The following CMIP variants were observed in gnomAD, a reference collection of about 807,000 sequenced individuals.
CMIP encodes the protein C-Maf-inducing protein.
Under a neutral mutation model 97.3 loss-of-function variants are expected in CMIP, and 13 were observed. That is an observed-to-expected ratio of 0.13 (90% CI 0.09 to 0.21). CMIP has a LOEUF of 0.21. CMIP is among the 10% of genes least tolerant of loss of function. The probability of loss-of-function intolerance (pLI) is 1.00; values close to 1 mark genes in which losing one functional copy is unlikely to be tolerated. For missense variants in CMIP, 847 were observed against 1,024.9 expected, an observed-to-expected ratio of 0.83 and a Z score of 2.37; for synonymous variants, 538 against 436.3, an observed-to-expected ratio of 1.23 and a Z score of -2.91.
rs961803029 is a variant in CMIP at position 81,621,418 on chromosome 16, G to A, written c.477+492G>A. Reference sequence around the variant, plus strand: ...CTGGCTCTACATAGGATGGTTCAGAGCTTTCTGGCACATAAAGGGAACTTC... The same window carrying A: ...CTGGCTCTACATAGGATGGTTCAGAACTTTCTGGCACATAAAGGGAACTTC... On this transcript the variant is annotated intron_variant, in intron 3 of 20. Coordinates refer to ENST00000537098, the MANE Select transcript of CMIP (RefSeq NM_198390.3). The surrounding 1 kb of genome is among the most constrained non-coding windows in gnomAD (Gnocchi z 4.1). 6.5e-6 allele frequency: 1 copy of A among 154,680 alleles called. No individual in the cohort carries two copies. The highest frequency in any genetic ancestry group is 2.4e-5 in the African/African-American group (1 of 41,480). 9.6% of individuals were successfully genotyped at this position (154,680 alleles called of 1,614,324 possible).
intron 1 of CMIP, among the ~76,000 whole-genome samples, chr16:81,461,837 C>T (rs989759623): frequency 3.3e-5 from 5 of 152,240 alleles, no homozygotes; most frequent in African/African-American, 1.2e-4. Flanking sequence ...CTGAAATTCC[C>T]ATCCCTACAT....
intron 1 of CMIP, among the ~76,000 whole-genome samples, chr16:81,450,113 C>T (rs2150728090): frequency 6.6e-6 from 1 of 152,296 alleles, no homozygotes; most frequent in Non-Finnish European, 1.5e-5. Context: ...GGGCACTGTC[C>T]TGGGCAGGGC....
intron 1 of CMIP, among the ~76,000 whole-genome samples, chr16:81,458,679 C>T (rs546619917): frequency 6.6e-6 from 1 of 152,250 alleles, no homozygotes; most frequent in South Asian, 2.1e-4. Flanking sequence ...TCAGTCCTTC[C>T]CTAAAACAGG....
intron 13 of CMIP, among the ~76,000 whole-genome samples, chr16:81,694,154 C>A (rs756445259): frequency 1.3e-5 from 2 of 151,520 alleles, no homozygotes; most frequent in African/African-American, 4.9e-5. Flanking sequence ...ATAGTATTCC[C>A]AGTGTTGCGC....
intron 8 of CMIP, among the ~76,000 whole-genome samples, chr16:81,670,633 G>T (rs1304505647): frequency 3.3e-5 from 4 of 121,256 alleles, no homozygotes; most frequent in South Asian, 2.9e-4. Flanking sequence ...GGGGGGGGGG[G>T]GTGGTTGCTT....
intron 2 of CMIP, among the ~76,000 whole-genome samples, chr16:81,618,322 CT>C (rs1162490326): frequency 1.3e-5 from 2 of 152,164 alleles, no homozygotes; most frequent in Non-Finnish European, 2.9e-5. Flanking sequence ...CTGACCTCTG[CT>C]TTAGTCTGAC....
At chr16:81,520,569 G>GGGGGGAGAGAGAGAGAGAGA (rs370420453) in intron 1 of CMIP, 4 of 107,002 alleles carry the variant, frequency 3.7e-5, no homozygotes, top group Admixed American at 1.9e-4. Flanking sequence ...GGAGGAAGGG[G>GGGGGGAGAGAGAGAGAGAGA]GAGAGAGAGA....
At chr16:81,578,582 C>A (rs749440002) in intron 1 of CMIP, among the ~76,000 whole-genome samples, 2 of 152,228 alleles carry the variant, frequency 1.3e-5, no homozygotes, top group African/African-American at 4.8e-5. Flanking sequence ...AATTTCCCCA[C>A]CCCTTCCTCT....
intron 1 of CMIP, among the ~76,000 whole-genome samples, chr16:81,458,135 G>A (rs1906675437): frequency 6.6e-6 from 1 of 152,156 alleles, no homozygotes; most frequent in Non-Finnish European, 1.5e-5. Context: ...GCAGGTTTTT[G>A]GGGGAGATGA....
At chr16:81,709,339 C>A (rs555554220) in intron 20 of CMIP, among the ~76,000 whole-genome samples, 4 of 152,126 alleles carry the variant, frequency 2.6e-5, no homozygotes, top group African/African-American at 4.8e-5. Context: ...TGGTATTTAA[C>A]CCCTAGCACC....
At chr16:81,508,603 CTG>C (rs1226243646) in intron 1 of CMIP, among the ~76,000 whole-genome samples, 1 of 152,190 alleles carries the variant, frequency 6.6e-6, no homozygotes, top group Non-Finnish European at 1.5e-5. Flanking sequence ...AAAAATGTCT[CTG>C]GGAAAAATTC....
intron 1 of CMIP, among the ~76,000 whole-genome samples, chr16:81,458,525 C>T (rs919284073): frequency 6.6e-6 from 1 of 152,174 alleles, no homozygotes; most frequent in East Asian, 1.9e-4. Flanking sequence ...GCGTAGGGCC[C>T]TCCCTGCTCA....
At chr16:81,677,040 A>G (rs545278825) in intron 9 of CMIP, among the ~76,000 whole-genome samples, 3 of 152,334 alleles carry the variant, frequency 2.0e-5, no homozygotes, top group African/African-American at 7.2e-5. Flanking sequence ...TCCAGGTCGC[A>G]TCCTGGAGAT....
intron 16 of CMIP, 36 bp downstream of exon 16, chr16:81,701,836 C>T (rs1293164642): frequency 2.5e-6 from 4 of 1,611,658 alleles, no homozygotes; most frequent in Admixed American, 3.3e-5. Flanking sequence ...CTCCCCTGCC[C>T]AGCAGGCCAG....
intron 1 of CMIP, among the ~76,000 whole-genome samples, chr16:81,599,579 C>T (rs960925378): frequency 3.9e-5 from 6 of 152,156 alleles, no homozygotes; most frequent in African/African-American, 1.4e-4. Flanking sequence ...GCTCCTTTCT[C>T]ATAATATGTA....
intron 18 of CMIP, among the ~76,000 whole-genome samples, chr16:81,705,168 C>T (rs1907988737): frequency 6.6e-6 from 1 of 152,332 alleles, no homozygotes; most frequent in East Asian, 1.9e-4. Context: ...CCTGTCCTTC[C>T]ACTGTCCACC....
intron 1 of CMIP, among the ~76,000 whole-genome samples, chr16:81,597,496 T>G (rs1257001735): frequency 6.6e-6 from 1 of 151,054 alleles, no homozygotes; most frequent in Non-Finnish European, 1.5e-5. Flanking sequence ...TGGTCTGTCA[T>G]GAGAGTGATG....
intron 14 of CMIP, 61 bp from the exon 15 acceptor site, chr16:81,699,624 G>A: frequency 9.0e-7 from 1 of 1,115,286 alleles, no homozygotes; most frequent in Non-Finnish European, 1.3e-6. Flanking sequence ...CTTCCTGCCA[G>A]CACGCTGGAG....
chr16:81,491,661 T>C (rs1487107368), intron 1 of CMIP, among the ~76,000 whole-genome samples: 1 of 152,234 alleles, frequency 6.6e-6, no homozygotes, highest in Admixed American at 6.5e-5. Flanking sequence ...ATTCCTCACT[T>C]GGCGAACTCT....
Sources: gnomAD v4.1 joint callset for allele counts (sites outside exome capture counted in the v4.1 genomes callset) on GRCh38, gnomAD v4.1.1 for gene constraint, Gnocchi (gnomAD v3.1) non-coding constraint, MANE v1.5 for transcripts, NCBI Gene and HGNC (gene_info 2026-07-23, HGNC 2026-07-21) for gene names.